OSBPL1A: variants seen among roughly 807,000 people sequenced by gnomAD.
The protein encoded by OSBPL1A is oxysterol binding protein like 1A, also known as oxysterol-binding protein-related protein 1.
OSBPL1A carries 80 observed loss-of-function variants against 137.1 expected under a neutral mutation model. The observed-to-expected ratio is 0.58, with a 90% CI of 0.49 to 0.70. OSBPL1A has a LOEUF of 0.70. Among genes scored for constraint, OSBPL1A ranks in the 30% least tolerant of loss-of-function variants. OSBPL1A has a pLI of 0.00. For synonymous variants in OSBPL1A, 365 were observed against 389.7 expected, an observed-to-expected ratio of 0.94 and a Z score of 0.75; for missense variants, 970 against 1,129.4, an observed-to-expected ratio of 0.86 and a Z score of 2.02.
chr18:24,220,267 A>G (rs1356515625), intron 17 of OSBPL1A, among the ~76,000 whole-genome samples: 2 of 152,108 alleles, frequency 1.3e-5, no homozygotes, highest in African/African-American at 2.4e-5. Context: ...TTCCTTTACT[A>G]TTCCTCTGAA....
Position 24,271,963 on chromosome 18 carries a change from G to A in OSBPL1A, c.1281+8879C>T. 1.0e-6 allele frequency: 1 copy of A among 982,260 alleles called. No individual in the cohort carries two copies. Among genetic ancestry groups the A allele is most frequent in the Non-Finnish European group, 1.2e-6 (1 of 828,900 alleles). The allele number at this position is 982,260 out of a possible 1,614,324, so 60.8% of individuals were successfully genotyped here. A position where few individuals can be genotyped will look rare whatever the true frequency, so the allele number is the denominator to read the frequency against. On this transcript the variant is annotated intron_variant, in intron 15 of 27. Coordinates refer to ENST00000319481, the MANE Select transcript of OSBPL1A (RefSeq NM_080597.4). The surrounding 1 kb of genome is among the most constrained non-coding windows in gnomAD (Gnocchi z 4.0). Reference sequence around the variant, plus strand: ...GGCTCGGCCGCAGACCCGCCCTCCGGGGCTCGCGGGGAGAGCGCGGGCGGG... The same window carrying A: ...GGCTCGGCCGCAGACCCGCCCTCCGAGGCTCGCGGGGAGAGCGCGGGCGGG...
At chr18:24,213,151 C>G (rs75910970) in intron 17 of OSBPL1A, among the ~76,000 whole-genome samples, 3 of 152,164 alleles carry the variant, frequency 2.0e-5, no homozygotes, top group Non-Finnish European at 4.4e-5. Context: ...CTAAAATTAG[C>G]GTAGCGTCTT....
intron 17 of OSBPL1A, among the ~76,000 whole-genome samples, chr18:24,217,261 T>TC (rs1173566916): frequency 6.7e-6 from 1 of 149,428 alleles, no homozygotes; most frequent in Non-Finnish European, 1.5e-5. Flanking sequence ...TTTTGCTCTT[T>TC]TTTTTTTTTT....
At chr18:24,176,480 T>A (rs1409209724) in intron 21 of OSBPL1A, among the ~76,000 whole-genome samples, 1 of 150,984 alleles carries the variant, frequency 6.6e-6, no homozygotes, top group African/African-American at 2.5e-5. Context: ...TTCTATTTTT[T>A]TTTTTTGGCT....
chr18:24,283,435 A>G (rs2090006303), intron 14 of OSBPL1A, among the ~76,000 whole-genome samples: 1 of 151,832 alleles, frequency 6.6e-6, no homozygotes, highest in Non-Finnish European at 1.5e-5. Context: ...AGCTTCTTTA[A>G]TAAAGCCCAA....
chr18:24,270,877 T>C (rs1441627422), intron 15 of OSBPL1A, among the ~76,000 whole-genome samples: 4 of 152,182 alleles, frequency 2.6e-5, no homozygotes, highest in African/African-American at 9.6e-5. Context: ...AAACTTTTAA[T>C]AGCCTTAATA....
intron 15 of OSBPL1A, among the ~76,000 whole-genome samples, chr18:24,259,674 T>C (rs553200297): frequency 1.6e-4 from 25 of 152,278 alleles, no homozygotes; most frequent in Admixed American, 4.6e-4. Flanking sequence ...TTTAAGCTAA[T>C]GTTATTGGGT....
chr18:24,316,183 C>G (rs1400450972), intron 11 of OSBPL1A, among the ~76,000 whole-genome samples: 1 of 151,852 alleles, frequency 6.6e-6, no homozygotes, highest in East Asian at 1.9e-4. Flanking sequence ...ACTGCTTGAA[C>G]CTGGGAGGTG....
At chr18:24,309,430 C>T (rs2090572447) in intron 13 of OSBPL1A, among the ~76,000 whole-genome samples, 1 of 152,182 alleles carries the variant, frequency 6.6e-6, no homozygotes, top group Non-Finnish European at 1.5e-5. Context: ...GTGATCCTTC[C>T]ACCTCAGCCT....
intron 4 of OSBPL1A, chr18:24,358,448 T>C (rs1196888257): frequency 8.5e-6 from 6 of 702,184 alleles, no homozygotes; most frequent in Non-Finnish European, 1.6e-5. Flanking sequence ...ACAGGTGTGA[T>C]GCCACGAGCA....
intron 24 of OSBPL1A, among the ~76,000 whole-genome samples, chr18:24,167,721 T>C (rs1483273235): frequency 6.6e-6 from 1 of 152,226 alleles, no homozygotes; most frequent in Non-Finnish European, 1.5e-5. Context: ...CGATCTTAGT[T>C]TGTGTAAGTA....
At chr18:24,347,337 C>T (rs760432358) in intron 4 of OSBPL1A, among the ~76,000 whole-genome samples, 5 of 152,158 alleles carry the variant, frequency 3.3e-5, no homozygotes, top group South Asian at 2.1e-4. Flanking sequence ...GCGCCCGCCA[C>T]CACGCCCAGT....
At chr18:24,169,650 C>T (rs1221389274) in intron 24 of OSBPL1A, among the ~76,000 whole-genome samples, 2 of 152,170 alleles carry the variant, frequency 1.3e-5, no homozygotes, top group African/African-American at 2.4e-5. Context: ...AGTTTGTGCT[C>T]GGAACCATTG....
chr18:24,171,080 G>A (rs2086272536), intron 23 of OSBPL1A, among the ~76,000 whole-genome samples: 1 of 151,452 alleles, frequency 6.6e-6, no homozygotes, highest in Admixed American at 6.6e-5. Context: ...TGTCACCTGG[G>A]CTGGAGTGTG....
At chr18:24,352,043 CACA>C (rs1000045506) in intron 4 of OSBPL1A, among the ~76,000 whole-genome samples, 6 of 152,146 alleles carry the variant, frequency 3.9e-5, no homozygotes, top group Admixed American at 3.3e-4. Flanking sequence ...CACGGTGGCT[CACA>C]CCTGTAATCC....
chr18:24,238,198 T>C (rs1468200236), intron 16 of OSBPL1A, among the ~76,000 whole-genome samples: 2 of 152,234 alleles, frequency 1.3e-5, no homozygotes, highest in East Asian at 1.9e-4. Flanking sequence ...TGTCCTGTTA[T>C]GAATTTGATC....
chr18:24,228,304 C>A (rs1322314690), intron 16 of OSBPL1A, among the ~76,000 whole-genome samples: 4 of 151,622 alleles, frequency 2.6e-5, no homozygotes, highest in Admixed American at 2.0e-4. Flanking sequence ...CCCTCACCCC[C>A]CTCCTTACTC....
chr18:24,344,172 T>C (rs1466798543), intron 4 of OSBPL1A, among the ~76,000 whole-genome samples: 1 of 152,150 alleles, frequency 6.6e-6, no homozygotes, highest in Non-Finnish European at 1.5e-5. Context: ...GATGTACAAA[T>C]GGTCAATAAG....
chr18:24,238,761 C>T (rs1465800538), intron 16 of OSBPL1A, among the ~76,000 whole-genome samples: 3 of 152,238 alleles, frequency 2.0e-5, no homozygotes, highest in African/African-American at 7.2e-5. Flanking sequence ...GCTCCAGACA[C>T]ATGGTGGTCT....
Sources: allele counts gnomAD v4.1 joint callset (sites outside exome capture counted in the v4.1 genomes callset), GRCh38; gene constraint gnomAD v4.1.1; non-coding constraint Gnocchi (gnomAD v3.1); transcripts MANE v1.5; gene names NCBI Gene and HGNC (gene_info 2026-07-23, HGNC 2026-07-21).